The following MYH15 variants were observed in gnomAD, a reference collection of about 807,000 sequenced individuals.
MYH15 encodes the protein myosin-15.
A neutral mutation model predicts 240.5 loss-of-function variants in MYH15; 227 were observed. The ratio of observed to expected loss-of-function variants is 0.94; its 90% CI spans 0.85 to 1.05. The LOEUF is 1.05. Ranked by LOEUF, MYH15 falls within the 50% of genes least tolerant of loss-of-function variation. The pLI is 0.00. For missense variants in MYH15, 2,217 were observed against 2,247.5 expected (o/e 0.99, Z 0.27); for synonymous variants, 785 against 796.7 (o/e 0.99, Z 0.25).
intron 22 of MYH15, among the ~76,000 whole-genome samples, chr3:108,442,657 T>C (rs1042661136): frequency 1.3e-5 from 2 of 152,090 alleles, no homozygotes; most frequent in African/African-American, 4.8e-5. Flanking sequence ...AGTTTAGCAG[T>C]AGGAAGATTC....
rs2083513726 is a variant in MYH15, at chr3:108,510,547, C to T, written c.-17G>A. On this transcript the variant is annotated 5_prime_UTR_variant, in exon 1 of 41. Transcript: ENST00000693548. ...CAGATCCATCTTTATTAAAGCAATC[C>T]ACCAAAAAAAGGCCCTAAACGTGAG... The T allele has an allele frequency of 6.2e-7, 1 of 1,610,754 alleles. No homozygotes were observed. Among genetic ancestry groups the T allele is most frequent in the South Asian group, 1.1e-5 (1 of 90,792 alleles).
Position 108,416,898 on chromosome 3 carries a change from C to A in MYH15, c.3862G>T (p.Ala1288Ser), listed in dbSNP as rs368413041. The A allele has an allele frequency of 1.4e-5, 22 of 1,613,846 alleles. No homozygotes were observed. The highest frequency in any genetic ancestry group is 1.9e-5 in the Non-Finnish European group (22 of 1,179,922). ...TCCCTGGAAAGTTGGTTTATCAGAGCCTCCTTCTCTTCAAGCCTCCGTAGG... is the reference window on the plus strand; with the variant it reads ...TCCCTGGAAAGTTGGTTTATCAGAGACTCCTTCTCTTCAAGCCTCCGTAGG... ...EFLRRLEEKE[A>S]LINQLSREKS... Residue 1288 changes from alanine to serine, a missense_variant, in exon 29 of 41, where the codon GCT (alanine) becomes TCT (serine). Physicochemically the swap from Ala to Ser is moderately conservative, Grantham distance 99. Coordinates refer to ENST00000693548, the MANE Select transcript of MYH15 (RefSeq NM_014981.3).
upstream of MYH15, among the ~76,000 whole-genome samples, chr3:108,512,315 C>A (rs1296424798): frequency 6.6e-6 from 1 of 152,166 alleles, no homozygotes; most frequent in African/African-American, 2.4e-5. Flanking sequence ...ACATCATCAA[C>A]TCTGTGGGCA....
chr3:108,525,805 A>C (rs373348660), intron 1 of MYH15, among the ~76,000 whole-genome samples: 96 of 152,200 alleles, frequency 6.3e-4, no homozygotes, highest in African/African-American at 2.2e-3. Flanking sequence ...CCGAGCAATA[A>C]ATTTCAAAAT....
At chr3:108,543,088 C>A in the MYH15 span, among the ~76,000 whole-genome samples, 2 of 152,086 alleles carry the variant, frequency 1.3e-5, no homozygotes, top group Non-Finnish European at 2.9e-5. Flanking sequence ...ACCATGTTGT[C>A]CAGGATGGTC....
intron 15 of MYH15, 141 bp downstream of exon 15, chr3:108,464,497 C>CT: frequency 1.1e-6 from 1 of 889,800 alleles, no homozygotes; most frequent in Non-Finnish European, 1.7e-6. Flanking sequence ...GCTACACTAC[C>CT]TTTTTTGTGG....
chr3:108,424,804 A>G (rs745931514), intron 27 of MYH15, among the ~76,000 whole-genome samples: 7 of 152,258 alleles, frequency 4.6e-5, no homozygotes, highest in Non-Finnish European at 1.0e-4. Context: ...GAAACAATTT[A>G]TCATGCCAAC....
the MYH15 span, among the ~76,000 whole-genome samples, chr3:108,538,869 C>T: frequency 4.6e-5 from 7 of 152,076 alleles, no homozygotes; most frequent in East Asian, 3.9e-4. Context: ...AAACCACATC[C>T]CGTGAGGGTC....
intron 11 of MYH15, among the ~76,000 whole-genome samples, chr3:108,478,262 C>G (rs1377098708): frequency 6.6e-6 from 1 of 152,104 alleles, no homozygotes; most frequent in Non-Finnish European, 1.5e-5. Context: ...GTTTGATTTT[C>G]TTATAAACTA....
In MYH15 at chr3:108,474,454, AT is replaced by A. The variant is rs890804674; in HGVS notation, c.1233+1942del. Among the ~76,000 whole-genome samples, 517 of 138,662 alleles carry A rather than the reference AT, an allele frequency of 3.7e-3. 2 individuals carry two copies. Among genetic ancestry groups the A allele is most frequent in the African/African-American group, 0.011 (414 of 37,018 alleles). The allele number at this position is 138,662 out of a possible 152,430, so 91.0% of individuals were successfully genotyped here. On this transcript the variant is annotated intron_variant, in intron 12 of 40. Transcript: ENST00000693548. Reference sequence around the variant, plus strand: ...TTCTCAGCCCTCCTAGGGGCTCCTTATTTTTTTTTTTATTTTTTATTTTTGC... The same window carrying A: ...TTCTCAGCCCTCCTAGGGGCTCCTTATTTTTTTTTTATTTTTTATTTTTGC...
At chr3:108,506,405 A>G (rs1289253465) in intron 1 of MYH15, among the ~76,000 whole-genome samples, 1 of 152,058 alleles carries the variant, frequency 6.6e-6, no homozygotes, top group African/African-American at 2.4e-5. Context: ...TTCCCCCAAT[A>G]TGTTATTTTT....
In MYH15 at chr3:108,501,618, T is replaced by C. The variant is rs1254758655; in HGVS notation, c.339+94A>G. On this transcript the variant is annotated intron_variant, in intron 3 of 40. Transcript: ENST00000693548. Reference sequence around the variant, plus strand: ...CTCAAGGACTATCCCTGTGCGAGCATGCTTAAACTCAATGTAAGAGATCAC... The same window carrying C: ...CTCAAGGACTATCCCTGTGCGAGCACGCTTAAACTCAATGTAAGAGATCAC... 6.0e-6 allele frequency: 9 copies of C among 1,506,850 alleles called. No individual in the cohort carries two copies. The East Asian group carries it at 1.6e-4, about 27-fold the overall frequency. 93.3% of individuals were successfully genotyped at this position (1,506,850 alleles called of 1,614,324 possible).
In MYH15 at chr3:108,429,466, T is replaced by C. The variant is rs76735841; in HGVS notation, c.3313-585A>G. On this transcript the variant is annotated intron_variant, in intron 26 of 40. Coordinates refer to ENST00000693548, the MANE Select transcript of MYH15 (RefSeq NM_014981.3). The stretch of plus-strand genomic sequence containing the variant: ...ACAAACGAGAGCTGGTGAAGGAATG[T>C]GGACTACTAAAGCGAGTAGAGATAC... Among the ~76,000 whole-genome samples the C allele has an allele frequency of 6.8e-3, 1,040 of 152,240 alleles. 34 individuals carry two copies. In the East Asian group the frequency reaches 0.094, roughly 14 times the overall value.
the MYH15 span, among the ~76,000 whole-genome samples, chr3:108,540,613 A>G: frequency 3.9e-5 from 6 of 152,226 alleles, no homozygotes. Context: ...AATCATTCCC[A>G]GTCTTAATAA....
intron 14 of MYH15, 38 bp downstream of exon 14, chr3:108,470,004 C>G (rs936794646): frequency 3.2e-6 from 5 of 1,577,636 alleles, no homozygotes; most frequent in Non-Finnish European, 4.3e-6. Flanking sequence ...GACAATTCTC[C>G]CGAAATGAAA....
chr3:108,526,894 C>A (rs1306319695), intron 1 of MYH15, among the ~76,000 whole-genome samples: 1 of 152,120 alleles, frequency 6.6e-6, no homozygotes, highest in African/African-American at 2.4e-5. Context: ...AAAAACAGAT[C>A]AAACGCAGTG....
chr3:108,427,489 C>T (rs1015470290), intron 27 of MYH15, among the ~76,000 whole-genome samples: 1 of 152,122 alleles, frequency 6.6e-6, no homozygotes, highest in Non-Finnish European at 1.5e-5. Context: ...AAACCTGCTG[C>T]TACCTTGATC....
the MYH15 span, among the ~76,000 whole-genome samples, chr3:108,546,339 T>C: frequency 2.0e-5 from 3 of 152,226 alleles, no homozygotes; most frequent in African/African-American, 7.2e-5. Flanking sequence ...TAATACATTA[T>C]ATCTTTTGGC....
intron 28 of MYH15, among the ~76,000 whole-genome samples, chr3:108,418,425 C>T (rs1224103738): frequency 1.3e-5 from 2 of 152,186 alleles, no homozygotes; most frequent in Non-Finnish European, 2.9e-5. Flanking sequence ...TGTTTTAGTG[C>T]TACTACCTTG....
Sources: gnomAD v4.1 joint callset for allele counts (sites outside exome capture counted in the v4.1 genomes callset) on GRCh38, gnomAD v4.1.1 for gene constraint, MANE v1.5 for transcripts, NCBI Gene and HGNC (gene_info 2026-07-23, HGNC 2026-07-21) for gene names.